KLF15: variants seen among roughly 807,000 people sequenced by gnomAD.
The protein encoded by KLF15 is KLF transcription factor 15.
A neutral mutation model predicts 24.6 loss-of-function variants in KLF15; 4 were observed. The ratio of observed to expected loss-of-function variants is 0.16; its 90% CI spans 0.08 to 0.37. The LOEUF (loss-of-function observed/expected upper bound fraction) is 0.37, where lower values mean the gene tolerates loss of function less well. Among genes scored for constraint, KLF15 ranks in the 10% least tolerant of loss-of-function variants. The pLI is 1.00. For missense variants in KLF15, 496 were observed against 560.6 expected (o/e 0.88, Z 1.16); for synonymous variants, 246 against 236.3 (o/e 1.04, Z -0.37).
At chr3:126,333,888 T>C in the KLF15 span, among the ~76,000 whole-genome samples, 1 of 147,946 alleles carries the variant, frequency 6.8e-6, no homozygotes, top group Non-Finnish European at 1.5e-5. Flanking sequence ...TAAATATATA[T>C]GCACCCAATA....
downstream of KLF15, chr3:126,342,609 G>T (rs1427026024): frequency 2.0e-5 from 3 of 152,544 alleles, no homozygotes; most frequent in Non-Finnish European, 4.4e-5. Flanking sequence ...GGCAAAGCAG[G>T]AAAACAGCAC....
At chr3:126,297,102 C>T in the KLF15 span, among the ~76,000 whole-genome samples, 1 of 152,150 alleles carries the variant, frequency 6.6e-6, no homozygotes, top group Non-Finnish European at 1.5e-5. Context: ...TAATTCTAAA[C>T]TTAATTTTTA....
the KLF15 span, among the ~76,000 whole-genome samples, chr3:126,289,917 A>G: frequency 6.6e-6 from 1 of 152,170 alleles, no homozygotes; most frequent in East Asian, 1.9e-4. Flanking sequence ...AGCCAGCTGG[A>G]GGGGACAGAG....
Position 126,351,857 on chromosome 3 carries a change from G to C in KLF15, c.1066C>G (p.Pro356Ala). The C allele has an allele frequency of 1.9e-6, 3 of 1,613,520 alleles. No homozygotes were observed. Among genetic ancestry groups the C allele is most frequent in the Non-Finnish European group, 2.5e-6 (3 of 1,179,790 alleles). ...TATACTGACCTCCAGCCGCAGCCTG[G>C]CCAGGTGCAGGCGAAGGGCTTCTCA... ...TGEKPFACTW[P>A]GCGWRFSRSD... The change falls in exon 2 of 3, where the codon CCA becomes GCA. Residue 356 changes from proline to alanine, a missense_variant. By Grantham distance (27) the Pro-to-Ala change is conservative. Coordinates refer to ENST00000296233, the MANE Select transcript of KLF15 (RefSeq NM_014079.4).
the KLF15 span, among the ~76,000 whole-genome samples, chr3:126,319,990 G>C: frequency 1.3e-5 from 2 of 152,208 alleles, no homozygotes; most frequent in South Asian, 2.1e-4. Context: ...AAGATGAGTG[G>C]AGGTGGCGGG....
rs376071138 is a variant in KLF15, at chr3:126,352,656, G to C, written c.267C>G (p.Gly89=). Residue 89 remains glycine (G), a synonymous_variant, in exon 2 of 3, where the codon GGC becomes GGG. Coordinates refer to ENST00000296233, the MANE Select transcript of KLF15 (RefSeq NM_014079.4). ...FLLSQATLGS[G]GGSGSSIGAS... is the part of the protein sequence containing the mutation. ...CCCCAATGCTACTGCCGCTGCCCCC[G>C]CCACTGCCCAGCGTGGCCTGGGACA... 1 of 1,598,818 alleles carries C rather than the reference G, an allele frequency of 6.3e-7. No individual in the cohort carries two copies. Among genetic ancestry groups the C allele is most frequent in the Non-Finnish European group, 8.5e-7 (1 of 1,173,214 alleles).
the KLF15 span, among the ~76,000 whole-genome samples, chr3:126,296,951 G>A: frequency 6.6e-6 from 1 of 151,802 alleles, no homozygotes; most frequent in Non-Finnish European, 1.5e-5. Context: ...CGTTTGTTTT[G>A]TTTTTTAGAT....
chr3:126,352,116 G>C lies in KLF15; in HGVS notation c.807C>G (p.Ser269=). The C allele has an allele frequency of 6.4e-7, 1 of 1,557,008 alleles. No homozygotes were observed. The highest frequency in any genetic ancestry group is 8.7e-7 in the Non-Finnish European group (1 of 1,149,840). Reference sequence around the variant, plus strand: ...ACTTGGAGGGCAGGTTCAAGTTGGAGGAGGGTACCACCTGGGGCACGAGTG... The same window carrying C: ...ACTTGGAGGGCAGGTTCAAGTTGGACGAGGGTACCACCTGGGGCACGAGTG... ...TFALVPQVVP[S]SNLNLPSKFV... Residue 269 remains serine (S), a synonymous_variant, in exon 2 of 3, where the codon TCC becomes TCG. Coordinates refer to ENST00000296233, the MANE Select transcript of KLF15 (RefSeq NM_014079.4).
chr3:126,310,442 T>C, the KLF15 span, among the ~76,000 whole-genome samples: 1 of 152,082 alleles, frequency 6.6e-6, no homozygotes, highest in South Asian at 2.1e-4. Context: ...TGTGGCGACA[T>C]CACAGCCCCT....
intron 2 of KLF15, among the ~76,000 whole-genome samples, chr3:126,347,773 A>G (rs1396779982): frequency 6.6e-6 from 1 of 152,116 alleles, no homozygotes; most frequent in Non-Finnish European, 1.5e-5. Context: ...GACAGGGAGT[A>G]CTCTTAGGAC....
the KLF15 span, among the ~76,000 whole-genome samples, chr3:126,290,351 G>A: frequency 6.6e-6 from 1 of 152,170 alleles, no homozygotes; most frequent in African/African-American, 2.4e-5. Flanking sequence ...TGCACCTGTG[G>A]ACCCCACCCC....
the KLF15 span, among the ~76,000 whole-genome samples, chr3:126,323,447 T>TTATATATATA: frequency 3.8e-5 from 2 of 52,232 alleles, no homozygotes; most frequent in Non-Finnish European, 7.4e-5. Flanking sequence ...CATATATATG[T>TTATATATATA]TATATATATA....
the KLF15 span, among the ~76,000 whole-genome samples, chr3:126,327,610 C>G: frequency 1.3e-5 from 2 of 152,150 alleles, no homozygotes; most frequent in African/African-American, 4.8e-5. Context: ...CTTCCCCCAG[C>G]CTCCCCATCT....
chr3:126,343,374 C>A lies in KLF15; in HGVS notation c.*353G>T. The A allele has an allele frequency of 3.5e-6, 1 of 284,780 alleles. No homozygotes were observed. Among genetic ancestry groups the A allele is most frequent in the Non-Finnish European group, 6.5e-6 (1 of 152,770 alleles). The allele number at this position is 284,780 out of a possible 1,614,324, so 17.6% of individuals were successfully genotyped here. ...TAGCACTAAAGTTCTGGCCTTGGCC[C>A]AGGATGGGGGAGCCCAGTGGGAGAA... is the stretch of plus-strand genomic sequence containing the variant. On this transcript the variant is annotated 3_prime_UTR_variant, in exon 3 of 3. Transcript: ENST00000296233.
chr3:126,296,391 T>A, the KLF15 span, among the ~76,000 whole-genome samples: 1 of 152,204 alleles, frequency 6.6e-6, no homozygotes, highest in South Asian at 2.1e-4. Flanking sequence ...GTATTTTTAA[T>A]ACAGACGGGG....
At chr3:126,308,220 C>T in the KLF15 span, among the ~76,000 whole-genome samples, 1 of 152,186 alleles carries the variant, frequency 6.6e-6, no homozygotes, top group East Asian at 1.9e-4. Context: ...AAGCGAATAT[C>T]GGTGGAGGTA....
the KLF15 span, among the ~76,000 whole-genome samples, chr3:126,299,622 G>A: frequency 1.8e-4 from 27 of 151,684 alleles, no homozygotes; most frequent in Non-Finnish European, 2.9e-4. Flanking sequence ...GGTGGCAGGC[G>A]CCTGTAGTCC....
At chr3:126,319,990 G>A in the KLF15 span, among the ~76,000 whole-genome samples, 1 of 152,208 alleles carries the variant, frequency 6.6e-6, no homozygotes, top group Non-Finnish European at 1.5e-5. Context: ...AAGATGAGTG[G>A]AGGTGGCGGG....
the KLF15 span, among the ~76,000 whole-genome samples, chr3:126,308,034 C>T: frequency 6.6e-6 from 1 of 152,202 alleles, no homozygotes; most frequent in Non-Finnish European, 1.5e-5. Flanking sequence ...AGCTACCAAG[C>T]TGGGTCCTTA....
Sources: gnomAD v4.1 joint callset for allele counts (sites outside exome capture counted in the v4.1 genomes callset) on GRCh38, gnomAD v4.1.1 for gene constraint, MANE v1.5 for transcripts, NCBI Gene and HGNC (gene_info 2026-07-23, HGNC 2026-07-21) for gene names.